CCDC85A: variants seen among roughly 807,000 people sequenced by gnomAD.
The protein encoded by CCDC85A is coiled-coil domain-containing protein 85A.
A neutral mutation model predicts 50.2 loss-of-function variants in CCDC85A; 38 were observed. The ratio of observed to expected loss-of-function variants is 0.76; its 90% confidence interval spans 0.58 to 0.99. The LOEUF (loss-of-function observed/expected upper bound fraction) is 0.99. Among genes scored for constraint, CCDC85A ranks in the 50% least tolerant of loss-of-function variants. CCDC85A has a pLI of 0.00. For missense variants in CCDC85A, 820 were observed against 742.0 expected, an observed-to-expected ratio of 1.11 and a Z score of -1.22; for synonymous variants, 366 against 301.4, an observed-to-expected ratio of 1.21 and a Z score of -2.22.
intron 2 of CCDC85A, among the ~76,000 whole-genome samples, chr2:56,319,673 C>T (rs1262204478): frequency 3.9e-5 from 6 of 152,038 alleles, no homozygotes; most frequent in Non-Finnish European, 8.8e-5. Flanking sequence ...CATGTACCAG[C>T]GATCATCTCA....
intron 2 of CCDC85A, among the ~76,000 whole-genome samples, chr2:56,311,141 AAAATTCTT>A (rs1672674279): frequency 6.6e-6 from 1 of 152,104 alleles, no homozygotes; most frequent in Admixed American, 6.6e-5. Context: ...TCCAGTTTTA[AAAATTCTT>A]TAGAATTCTT....
intron 3 of CCDC85A, among the ~76,000 whole-genome samples, chr2:56,355,290 A>G (rs1675166547): frequency 6.6e-6 from 1 of 152,204 alleles, no homozygotes; most frequent in South Asian, 2.1e-4. Flanking sequence ...GTCTACTGTT[A>G]AGGCCAGGAA....
intron 2 of CCDC85A, among the ~76,000 whole-genome samples, chr2:56,258,963 T>C (rs949128321): frequency 6.6e-6 from 1 of 152,294 alleles, no homozygotes; most frequent in African/African-American, 2.4e-5. Context: ...TTTAGGATAA[T>C]TGCTGAAGGT....
At chr2:56,287,300 G>T (rs1671490013) in intron 2 of CCDC85A, among the ~76,000 whole-genome samples, 1 of 152,152 alleles carries the variant, frequency 6.6e-6, no homozygotes, top group Admixed American at 6.5e-5. Context: ...GGTTGCTTCA[G>T]TGGCTGCGAG....
At chr2:56,197,856 T>C (rs1211732150) in intron 2 of CCDC85A, among the ~76,000 whole-genome samples, 1 of 152,226 alleles carries the variant, frequency 6.6e-6, no homozygotes, top group Non-Finnish European at 1.5e-5. Flanking sequence ...TGAAGGCAAC[T>C]CTGACATATG....
At chr2:56,267,162 T>A (rs1241581043) in intron 2 of CCDC85A, among the ~76,000 whole-genome samples, 5 of 152,120 alleles carry the variant, frequency 3.3e-5, no homozygotes, top group African/African-American at 1.2e-4. Flanking sequence ...ATGGAACAAT[T>A]TTCACTGGCC....
At chr2:56,380,629 A>AAAAT (rs199877999) in intron 5 of CCDC85A, among the ~76,000 whole-genome samples, 8,071 of 151,620 alleles carry the variant, frequency 0.053, 690 homozygotes, top group African/African-American at 0.18. Context: ...CCACAGTAAA[A>AAAAT]AAATAAATAA....
intron 5 of CCDC85A, among the ~76,000 whole-genome samples, chr2:56,381,340 C>T (rs375790287): frequency 1.3e-5 from 2 of 152,066 alleles, no homozygotes; most frequent in East Asian, 3.9e-4. Context: ...TGTTGCTTCT[C>T]ATCTATTGAC....
chr2:56,304,062 C>A (rs1672323704), intron 2 of CCDC85A, among the ~76,000 whole-genome samples: 1 of 152,132 alleles, frequency 6.6e-6, no homozygotes. Context: ...AAAGTAGTTA[C>A]ATAAGTTATT....
chr2:56,319,800 C>T (rs902848119), intron 2 of CCDC85A, among the ~76,000 whole-genome samples: 2 of 152,054 alleles, frequency 1.3e-5, no homozygotes, highest in Admixed American at 6.6e-5. Context: ...TCATTGGGCA[C>T]CACACACAAA....
chr2:56,357,078 C>CA (rs199639570), intron 3 of CCDC85A, among the ~76,000 whole-genome samples: 208 of 86,720 alleles, frequency 2.4e-3, no homozygotes, highest in Middle Eastern at 6.7e-3. Flanking sequence ...GACTCCATCT[C>CA]AAAAAAAAAA....
chr2:56,336,491 C>A (rs1466052030), intron 2 of CCDC85A, among the ~76,000 whole-genome samples: 2 of 152,128 alleles, frequency 1.3e-5, no homozygotes, highest in African/African-American at 2.4e-5. Context: ...TAGTTTGTGT[C>A]AGAATGGACC....
intron 3 of CCDC85A, among the ~76,000 whole-genome samples, chr2:56,363,154 C>T (rs903970973): frequency 2.0e-5 from 3 of 152,000 alleles, no homozygotes; most frequent in Admixed American, 6.6e-5. Context: ...TTTTTAAAAT[C>T]TCTTTGTTTT....
intron 2 of CCDC85A, among the ~76,000 whole-genome samples, chr2:56,249,404 T>A (rs1329394403): frequency 6.6e-6 from 1 of 152,238 alleles, no homozygotes; most frequent in African/African-American, 2.4e-5. Flanking sequence ...GGAAGCTGGT[T>A]TGATGCAGCC....
At chr2:56,238,901 T>G (rs1197621680) in intron 2 of CCDC85A, among the ~76,000 whole-genome samples, 4 of 152,218 alleles carry the variant, frequency 2.6e-5, no homozygotes, top group Non-Finnish European at 5.9e-5. Context: ...TGGACTTTGC[T>G]GAAGATTATT....
intron 3 of CCDC85A, among the ~76,000 whole-genome samples, chr2:56,366,330 A>G (rs1675792307): frequency 1.3e-5 from 2 of 152,168 alleles, no homozygotes; most frequent in Admixed American, 1.3e-4. Flanking sequence ...AAGGAACTTC[A>G]TACTGTTTTC....
chr2:56,332,053 C>G (rs1328404706), intron 2 of CCDC85A, among the ~76,000 whole-genome samples: 2 of 152,192 alleles, frequency 1.3e-5, no homozygotes, highest in East Asian at 1.9e-4. Context: ...CGTCAGTACC[C>G]CTCCACTGGG....
At chr2:56,335,332 C>A (rs2104303223) in intron 2 of CCDC85A, among the ~76,000 whole-genome samples, 2 of 152,148 alleles carry the variant, frequency 1.3e-5, no homozygotes, top group Non-Finnish European at 2.9e-5. Flanking sequence ...GCAAGCCATG[C>A]CTTTAGCGCT....
chr2:56,312,280 A>G (rs1355745632), intron 2 of CCDC85A, among the ~76,000 whole-genome samples: 2 of 152,102 alleles, frequency 1.3e-5, no homozygotes, highest in South Asian at 2.1e-4. Context: ...ATTTATGAGG[A>G]GAAAATGTGA....
Sources: gnomAD v4.1 joint callset for allele counts (sites outside exome capture counted in the v4.1 genomes callset) on GRCh38, gnomAD v4.1.1 for gene constraint, MANE v1.5 for transcripts, NCBI Gene and HGNC (gene_info 2026-07-23, HGNC 2026-07-21) for gene names.